Variants in CNTN5 observed in about 807,000 individuals in gnomAD.
CNTN5 encodes contactin-5.
CNTN5 carries 77 observed loss-of-function variants against 129.1 expected under a neutral mutation model. That is an observed-to-expected ratio of 0.60 (90% confidence interval 0.50 to 0.72). CNTN5 has a LOEUF of 0.72. Ranked by LOEUF, CNTN5 falls within the 30% of genes least tolerant of loss-of-function variation. CNTN5 has a pLI of 0.00. For synonymous variants in CNTN5, 509 were observed against 465.6 expected, an observed-to-expected ratio of 1.09 and a Z score of -1.20; for missense variants, 1,478 against 1,328.8, an observed-to-expected ratio of 1.11 and a Z score of -1.75.
At chr11:99,191,592 A>G (rs1181121373) in intron 1 of CNTN5, among the ~76,000 whole-genome samples, 1 of 151,904 alleles carries the variant, frequency 6.6e-6, no homozygotes, top group Non-Finnish European at 1.5e-5. Flanking sequence ...TTACAATTTT[A>G]TGAAGATTGA....
At chr11:99,254,825 A>G (rs935777385) in intron 1 of CNTN5, among the ~76,000 whole-genome samples, 1 of 152,046 alleles carries the variant, frequency 6.6e-6, no homozygotes, top group African/African-American at 2.4e-5. Context: ...CAATATTAAC[A>G]AAGAGTAAAA....
intron 1 of CNTN5, among the ~76,000 whole-genome samples, chr11:99,297,414 C>T (rs530149482): frequency 6.6e-6 from 1 of 152,146 alleles, no homozygotes; most frequent in African/African-American, 2.4e-5. Context: ...AATCCTGTCA[C>T]CCACAGCCAT....
At chr11:99,654,900 A>T (rs528452495) in intron 3 of CNTN5, among the ~76,000 whole-genome samples, 1 of 152,048 alleles carries the variant, frequency 6.6e-6, no homozygotes, top group Non-Finnish European at 1.5e-5. Flanking sequence ...AGCAGAAAAA[A>T]AGGTTTAATC....
intron 3 of CNTN5, among the ~76,000 whole-genome samples, chr11:99,570,244 G>A (rs1000442394): frequency 1.4e-4 from 21 of 151,978 alleles, no homozygotes; most frequent in Non-Finnish European, 2.5e-4. Context: ...CTGGCCCAAA[G>A]CTATTTTTAT....
chr11:99,201,138 C>A (rs774224930), intron 1 of CNTN5, among the ~76,000 whole-genome samples: 1 of 149,394 alleles, frequency 6.7e-6, no homozygotes, highest in African/African-American at 2.5e-5. Context: ...GATTCTCCTG[C>A]GTCAGCCTCC....
intron 8 of CNTN5, among the ~76,000 whole-genome samples, chr11:99,961,849 C>A (rs1294713413): frequency 6.6e-6 from 1 of 152,134 alleles, no homozygotes; most frequent in Non-Finnish European, 1.5e-5. Context: ...AGAGCCTGGT[C>A]ATCCACACAC....
At chr11:100,347,161 C>G (rs780775880) in intron 23 of CNTN5, among the ~76,000 whole-genome samples, 1 of 152,068 alleles carries the variant, frequency 6.6e-6, no homozygotes, top group Non-Finnish European at 1.5e-5. Context: ...TTTGTTTATG[C>G]AACTTAGATA....
At chr11:99,416,124 A>G (rs1342501520) in intron 2 of CNTN5, among the ~76,000 whole-genome samples, 2 of 152,126 alleles carry the variant, frequency 1.3e-5, no homozygotes, top group African/African-American at 4.8e-5. Context: ...TATTTAGACC[A>G]TGAATATTAG....
At chr11:100,328,361 C>T (rs1444069341) in intron 21 of CNTN5, among the ~76,000 whole-genome samples, 8 of 152,044 alleles carry the variant, frequency 5.3e-5, no homozygotes, top group Non-Finnish European at 4.4e-5. Context: ...AAAATGAGAC[C>T]GTGTCTCAAA....
At chr11:99,590,665 A>C (rs1277915182) in intron 3 of CNTN5, among the ~76,000 whole-genome samples, 1 of 152,258 alleles carries the variant, frequency 6.6e-6, no homozygotes. Flanking sequence ...AGGGAATAGC[A>C]AATGCAAAGG....
chr11:100,159,072 G>A (rs1947352029), intron 13 of CNTN5, among the ~76,000 whole-genome samples: 1 of 151,824 alleles, frequency 6.6e-6, no homozygotes, highest in African/African-American at 2.4e-5. Context: ...ACACAAAGGA[G>A]CACATACTGT....
chr11:99,318,146 G>A (rs911527850), intron 1 of CNTN5, among the ~76,000 whole-genome samples: 1 of 152,140 alleles, frequency 6.6e-6, no homozygotes, highest in African/African-American at 2.4e-5. Context: ...TACATTATAA[G>A]TATTCTTATT....
chr11:99,882,099 C>G (rs1948786445), intron 6 of CNTN5, among the ~76,000 whole-genome samples: 1 of 152,156 alleles, frequency 6.6e-6, no homozygotes, highest in South Asian at 2.1e-4. Flanking sequence ...GCAAAGATGA[C>G]TGAGGGACTG....
At chr11:100,230,638 G>C (rs998766754) in intron 16 of CNTN5, among the ~76,000 whole-genome samples, 2 of 152,140 alleles carry the variant, frequency 1.3e-5, no homozygotes, top group African/African-American at 4.8e-5. Context: ...CAGATGAATT[G>C]TCATTGCACA....
At chr11:100,060,861 G>A (rs1356993602) in intron 9 of CNTN5, among the ~76,000 whole-genome samples, 3 of 151,932 alleles carry the variant, frequency 2.0e-5, no homozygotes, top group African/African-American at 4.8e-5. Flanking sequence ...GGCTGGTCTC[G>A]AACTCCTGAC....
intron 16 of CNTN5, among the ~76,000 whole-genome samples, chr11:100,233,957 G>A (rs1447931771): frequency 6.6e-6 from 1 of 151,650 alleles, no homozygotes; most frequent in African/African-American, 2.4e-5. Context: ...AAATTTACAA[G>A]AAAAAAACAA....
chr11:100,103,911 G>T (rs1219601310), intron 13 of CNTN5, among the ~76,000 whole-genome samples: 1 of 152,036 alleles, frequency 6.6e-6, no homozygotes, highest in East Asian at 1.9e-4. Context: ...TTGACTTACA[G>T]CAGATAAATG....
intron 1 of CNTN5, among the ~76,000 whole-genome samples, chr11:99,309,105 A>C (rs997891944): frequency 9.9e-5 from 15 of 152,100 alleles, no homozygotes; most frequent in African/African-American, 2.9e-4. Flanking sequence ...TCTGCTAACT[A>C]CAACATCAGG....
At chr11:99,594,707 C>T (rs186418733) in intron 3 of CNTN5, among the ~76,000 whole-genome samples, 8 of 152,268 alleles carry the variant, frequency 5.3e-5, no homozygotes, top group South Asian at 2.1e-4. Flanking sequence ...AGGTGGTTAA[C>T]GATGGTTTGC....
Sources: gnomAD v4.1 joint callset for allele counts (sites outside exome capture counted in the v4.1 genomes callset) on GRCh38, gnomAD v4.1.1 for gene constraint, MANE v1.5 for transcripts, NCBI Gene and HGNC (gene_info 2026-07-23, HGNC 2026-07-21) for gene names.